LRRIQ1: variants seen among roughly 807,000 people sequenced by gnomAD.
LRRIQ1 encodes leucine rich repeats and IQ motif containing 1.
LRRIQ1 carries 210 observed loss-of-function variants against 211.9 expected under a neutral mutation model. The observed-to-expected ratio is 0.99, with a 90% CI of 0.89 to 1.11. The LOEUF (loss-of-function observed/expected upper bound fraction) is 1.11, where lower values mean the gene tolerates loss of function less well. LRRIQ1 is among the 50% of genes most tolerant of loss of function. The probability of loss-of-function intolerance (pLI) is 0.00; values close to 1 mark genes in which losing one functional copy is unlikely to be tolerated. For synonymous variants in LRRIQ1, 699 were observed against 650.1 expected (o/e 1.08, Z -1.14); for missense variants, 2,136 against 1,939.5 (o/e 1.10, Z -1.90).
rs373656402 is a variant in LRRIQ1 at position 85,236,701 on chromosome 12, G to A, written c.5016+3945G>A. Among the ~76,000 whole-genome samples, 17 of 151,020 alleles carry A rather than the reference G, an allele frequency of 1.1e-4. No individual in the cohort carries two copies. The South Asian group carries it at 2.5e-3, about 22-fold the overall frequency. ...GAATACCCTATTAGTCTGCAAGCCC[G>A]TTCTTGGAGGAAAAAAAGATACATA... On this transcript the variant is annotated intron_variant, in intron 26 of 26. Transcript: ENST00000393217.
Position 85,047,415 on chromosome 12 carries a change from A to G in LRRIQ1, c.623A>G (p.His208Arg). 1.2e-6 allele frequency: 2 copies of G among 1,613,346 alleles called. No homozygotes were observed. Among genetic ancestry groups the G allele is most frequent in the Non-Finnish European group, 1.7e-6 (2 of 1,179,528 alleles). Residue 208 changes from histidine (H) to arginine (R), a missense_variant, in exon 6 of 27, where the codon CAT (histidine) becomes CGT (arginine). Physicochemically the swap from His to Arg is conservative, Grantham distance 29 (BLOSUM62 0). Transcript: ENST00000393217. ...KQFQEEEEKR[H>R]CWMKQFKVEK... Reference sequence around the variant, plus strand: ...TTTCAAGAAGAAGAAGAAAAGCGACATTGCTGGATGAAACAATTTAAAGTT... The same window carrying G: ...TTTCAAGAAGAAGAAGAAAAGCGACGTTGCTGGATGAAACAATTTAAAGTT...
intron 15 of LRRIQ1, among the ~76,000 whole-genome samples, chr12:85,108,750 A>G (rs1374335548): frequency 1.3e-5 from 2 of 152,026 alleles, no homozygotes; most frequent in African/African-American, 4.8e-5. Flanking sequence ...TTATACTGTC[A>G]TTTCACTGGT....
chr12:85,233,322 G>A (rs913011263), intron 26 of LRRIQ1, among the ~76,000 whole-genome samples: 6 of 151,802 alleles, frequency 4.0e-5, no homozygotes, highest in Non-Finnish European at 7.4e-5. Flanking sequence ...TGGTCAATTT[G>A]GAGTCTAGGA....
chr12:85,135,641 T>C (rs1267764768), intron 18 of LRRIQ1, among the ~76,000 whole-genome samples: 2 of 152,036 alleles, frequency 1.3e-5, no homozygotes, highest in Non-Finnish European at 2.9e-5. Context: ...CCTAGCATTC[T>C]CCAAAGGTCA....
chr12:85,096,168 TG>T (rs1885863301), intron 11 of LRRIQ1, among the ~76,000 whole-genome samples: 1 of 152,172 alleles, frequency 6.6e-6, no homozygotes, highest in Non-Finnish European at 1.5e-5. Context: ...TGTTTGGTTC[TG>T]TGGTGATTTT....
intron 11 of LRRIQ1, among the ~76,000 whole-genome samples, chr12:85,083,958 AT>A (rs1024278694): frequency 5.3e-4 from 81 of 152,316 alleles, no homozygotes; most frequent in African/African-American, 1.9e-3. Flanking sequence ...TATTTATCAT[AT>A]AAGAGATACT....
At chr12:85,074,920 T>C (rs1449647274) in intron 11 of LRRIQ1, among the ~76,000 whole-genome samples, 2 of 152,096 alleles carry the variant, frequency 1.3e-5, no homozygotes, top group African/African-American at 4.8e-5. Context: ...CTAGTTGTCT[T>C]TATTTCTCTT....
chr12:85,193,340 C>T (rs1482407453), intron 24 of LRRIQ1, among the ~76,000 whole-genome samples: 17 of 118,150 alleles, frequency 1.4e-4, no homozygotes, highest in African/African-American at 5.6e-4. Context: ...AGATACTCCT[C>T]GAGAAGAGCA....
At chr12:85,219,192 A>G (rs1263035288) in intron 24 of LRRIQ1, among the ~76,000 whole-genome samples, 1 of 152,094 alleles carries the variant, frequency 6.6e-6, no homozygotes, top group Admixed American at 6.6e-5. Context: ...CCCTTTATAT[A>G]GTATTTGGTA....
At chr12:85,217,783 T>C (rs1894226105) in intron 24 of LRRIQ1, among the ~76,000 whole-genome samples, 1 of 124,364 alleles carries the variant, frequency 8.0e-6, no homozygotes, top group Non-Finnish European at 1.5e-5. Context: ...TCTCTCTCTA[T>C]ATATATATGT....
intron 13 of LRRIQ1, among the ~76,000 whole-genome samples, chr12:85,102,944 CAAAAAA>C (rs761217598): frequency 8.3e-4 from 73 of 87,716 alleles, no homozygotes; most frequent in African/African-American, 2.8e-3. Context: ...CTAATTGTGG[CAAAAAA>C]AAAAAAAAAA....
At chr12:85,094,186 G>A (rs958891057) in intron 11 of LRRIQ1, among the ~76,000 whole-genome samples, 5 of 152,156 alleles carry the variant, frequency 3.3e-5, no homozygotes, top group Admixed American at 3.3e-4. Flanking sequence ...CAACCAAAAT[G>A]AGATTACTTT....
At chr12:85,185,705 A>G (rs938076523) in intron 24 of LRRIQ1, among the ~76,000 whole-genome samples, 8 of 151,960 alleles carry the variant, frequency 5.3e-5, no homozygotes, top group African/African-American at 1.9e-4. Context: ...AGTGTGAACT[A>G]ATATTGTGCA....
chr12:85,111,281 C>T (rs1450601282), intron 15 of LRRIQ1, among the ~76,000 whole-genome samples: 2 of 152,084 alleles, frequency 1.3e-5, no homozygotes, highest in Non-Finnish European at 2.9e-5. Context: ...GACATATAAC[C>T]ACTCTGCTTT....
At chr12:85,160,973 A>G (rs1890838361) in intron 24 of LRRIQ1, among the ~76,000 whole-genome samples, 1 of 152,074 alleles carries the variant, frequency 6.6e-6, no homozygotes, top group African/African-American at 2.4e-5. Context: ...TGAACGTTTT[A>G]TAATGATGTA....
At chr12:85,153,871 C>G in intron 22 of LRRIQ1, 113 bp downstream of exon 22, 2 of 922,982 alleles carry the variant, frequency 2.2e-6, no homozygotes, top group Non-Finnish European at 3.2e-6. Flanking sequence ...TATAAATTGT[C>G]CATCCAATTT....
At chr12:85,210,945 A>T (rs547598188) in intron 24 of LRRIQ1, among the ~76,000 whole-genome samples, 1 of 152,258 alleles carries the variant, frequency 6.6e-6, no homozygotes, top group Admixed American at 6.5e-5. Context: ...TAAGGTTGGG[A>T]TTTCTCAGCT....
At chr12:85,178,642 C>G (rs1405413784) in intron 24 of LRRIQ1, among the ~76,000 whole-genome samples, 1 of 151,922 alleles carries the variant, frequency 6.6e-6, no homozygotes, top group Non-Finnish European at 1.5e-5. Flanking sequence ...CATAATTTAT[C>G]TTAGTCCCTT....
chr12:85,121,728 A>G lies in LRRIQ1; in HGVS notation c.3409A>G (p.Arg1137Gly). The G allele has an allele frequency of 6.3e-7, 1 of 1,596,296 alleles. No homozygotes were observed. Among genetic ancestry groups the G allele is most frequent in the South Asian group, 1.1e-5 (1 of 87,294 alleles). The change falls in exon 16 of 27, where the codon AGA becomes GGA. Residue 1137 changes from arginine (R) to glycine (G), a missense_variant. Coordinates refer to ENST00000393217, the MANE Select transcript of LRRIQ1 (RefSeq NM_001079910.2). ...TCTACTTAAAGTGTTGCCTGCTCTG[A>G]GAATCCTCAATGGCAATATACTAAA... ...DSLLKVLPAL[R>G]ILNGNILNSN...
Sources: allele counts gnomAD v4.1 joint callset (sites outside exome capture counted in the v4.1 genomes callset), GRCh38; gene constraint gnomAD v4.1.1; transcripts MANE v1.5; gene names NCBI Gene and HGNC (gene_info 2026-07-23, HGNC 2026-07-21).